Variants in LRRC4C observed in about 807,000 individuals in gnomAD.
LRRC4C encodes the protein leucine-rich repeat-containing protein 4C.
A neutral mutation model predicts 33.6 loss-of-function variants in LRRC4C; 5 were observed. The observed-to-expected ratio is 0.15, with a 90% CI of 0.08 to 0.31. The LOEUF (loss-of-function observed/expected upper bound fraction) is 0.31. Among genes scored for constraint, LRRC4C ranks in the 10% least tolerant of loss-of-function variants. The pLI, the probability that LRRC4C is intolerant of heterozygous loss-of-function variation, is 1.00. For synonymous variants in LRRC4C, 329 were observed against 302.0 expected, an observed-to-expected ratio of 1.09 and a Z score of -0.93; for missense variants, 560 against 796.7, an observed-to-expected ratio of 0.70 and a Z score of 3.58.
chr11:41,138,568 T>C (rs1352951108), intron 1 of LRRC4C, among the ~76,000 whole-genome samples: 1 of 152,210 alleles, frequency 6.6e-6, no homozygotes, highest in East Asian at 1.9e-4. Context: ...ATGAAAATGA[T>C]ATCTAAGTTT....
chr11:40,720,053 G>C (rs759013229), intron 2 of LRRC4C, among the ~76,000 whole-genome samples: 3 of 152,162 alleles, frequency 2.0e-5, no homozygotes, highest in Non-Finnish European at 4.4e-5. Context: ...TATAGTGTCA[G>C]CCTTGCTTAT....
intron 3 of LRRC4C, among the ~76,000 whole-genome samples, chr11:40,382,683 C>CAT (rs1948932041): frequency 8.8e-6 from 1 of 113,300 alleles, no homozygotes; most frequent in African/African-American, 3.8e-5. Flanking sequence ...AACTTGTACT[C>CAT]ATTTTTTTTT....
At chr11:41,414,270 C>T (rs765761461) in intron 1 of LRRC4C, among the ~76,000 whole-genome samples, 1 of 152,078 alleles carries the variant, frequency 6.6e-6, no homozygotes, top group Non-Finnish European at 1.5e-5. Flanking sequence ...AGGCAAGATT[C>T]CTCCCCACAA....
intron 1 of LRRC4C, among the ~76,000 whole-genome samples, chr11:41,143,700 G>C (rs10768667): frequency 0.19 from 29,016 of 152,084 alleles, 3,277 homozygotes; most frequent in Admixed American, 0.37. Flanking sequence ...TTCATCCTTA[G>C]TCTGAATCCC....
At chr11:41,351,733 TA>T (rs1436934534) in intron 1 of LRRC4C, among the ~76,000 whole-genome samples, 13 of 152,308 alleles carry the variant, frequency 8.5e-5, no homozygotes, top group Admixed American at 6.5e-4. Context: ...TAAAATGCAT[TA>T]AAAATAAATT....
At chr11:40,144,618 T>C (rs1045254908) in intron 5 of LRRC4C, among the ~76,000 whole-genome samples, 6 of 152,204 alleles carry the variant, frequency 3.9e-5, no homozygotes, top group Non-Finnish European at 8.8e-5. Flanking sequence ...TTTGAAAAAT[T>C]GTTTCATGTG....
intron 4 of LRRC4C, among the ~76,000 whole-genome samples, chr11:40,316,835 C>G (rs894369678): frequency 2.6e-5 from 4 of 151,736 alleles, no homozygotes; most frequent in African/African-American, 9.7e-5. Context: ...AACCAGATAG[C>G]CTTGAATTTC....
chr11:41,101,986 T>G (rs1941216301), intron 1 of LRRC4C, among the ~76,000 whole-genome samples: 2 of 151,496 alleles, frequency 1.3e-5, no homozygotes, highest in Non-Finnish European at 2.9e-5. Flanking sequence ...TACTTGAGGG[T>G]AAAGAGTAGG....
chr11:40,978,765 G>A (rs116895990), intron 1 of LRRC4C, among the ~76,000 whole-genome samples: 2 of 151,784 alleles, frequency 1.3e-5, no homozygotes, highest in East Asian at 3.9e-4. Flanking sequence ...GGGATTGCAG[G>A]TGCCCACAAC....
intron 2 of LRRC4C, among the ~76,000 whole-genome samples, chr11:40,879,796 C>T (rs1438905518): frequency 6.6e-6 from 1 of 152,058 alleles, no homozygotes; most frequent in African/African-American, 2.4e-5. Context: ...TCAGAAGATA[C>T]ATTATGTGAA....
intron 5 of LRRC4C, among the ~76,000 whole-genome samples, chr11:40,142,823 T>C (rs1261550224): frequency 6.6e-6 from 1 of 152,230 alleles, no homozygotes; most frequent in East Asian, 1.9e-4. Context: ...CCAGCAGGCT[T>C]GCAGACTTGT....
At position 40,677,660 on chromosome 11, in the gene LRRC4C, C is replaced by T. The variant is rs74669008; in HGVS notation, c.-406-29382G>A. The stretch of plus-strand genomic sequence containing the variant: ...TCTGTTTTCTTATATTTCTTAATAA[C>T]GAAACTGCCAATCTTTAGCAGTGTG... On this transcript the variant is annotated intron_variant, in intron 2 of 6. Coordinates refer to ENST00000528697, the MANE Select transcript of LRRC4C (RefSeq NM_001258419.2). 9.1e-3 allele frequency among the ~76,000 whole-genome samples: 1,391 copies of T among 152,160 alleles called. 28 individuals are homozygous for T. Among genetic ancestry groups the T allele is most frequent in the African/African-American group, 0.032 (1,341 of 41,506 alleles).
intron 3 of LRRC4C, among the ~76,000 whole-genome samples, chr11:40,420,743 G>A (rs1950495365): frequency 6.6e-6 from 1 of 152,138 alleles, no homozygotes; most frequent in Non-Finnish European, 1.5e-5. Context: ...GCCAGCTCAT[G>A]AGTGTTGGAG....
At chr11:40,277,955 G>T (rs1943230368) in intron 4 of LRRC4C, among the ~76,000 whole-genome samples, 1 of 152,060 alleles carries the variant, frequency 6.6e-6, no homozygotes, top group African/African-American at 2.4e-5. Context: ...CAAAAAAGTG[G>T]CAGTCTCCTT....
intron 1 of LRRC4C, among the ~76,000 whole-genome samples, chr11:41,385,466 A>T (rs1953324522): frequency 6.6e-6 from 1 of 151,610 alleles, no homozygotes; most frequent in Admixed American, 6.6e-5. Context: ...ATAGTAAAAA[A>T]AAACTAATTA....
chr11:41,457,171 C>T (rs1956195897), intron 1 of LRRC4C, among the ~76,000 whole-genome samples: 1 of 152,160 alleles, frequency 6.6e-6, no homozygotes, highest in South Asian at 2.1e-4. Context: ...CAACACCACA[C>T]ATCTAAATAT....
At chr11:40,244,908 C>T (rs985183074) in intron 4 of LRRC4C, among the ~76,000 whole-genome samples, 5 of 152,160 alleles carry the variant, frequency 3.3e-5, no homozygotes, top group Non-Finnish European at 7.4e-5. Flanking sequence ...TATTCCATGG[C>T]ATCTGGATTG....
intron 1 of LRRC4C, among the ~76,000 whole-genome samples, chr11:41,366,593 C>T (rs1332954436): frequency 6.6e-6 from 1 of 151,994 alleles, no homozygotes; most frequent in Non-Finnish European, 1.5e-5. Context: ...TAGTGTTTCT[C>T]CCATTTAAAT....
rs372990313 is a variant in LRRC4C at position 41,453,660 on chromosome 11, A to ATG, written c.-496+5769_-496+5770dup. On this transcript the variant is annotated intron_variant, in intron 1 of 6. Coordinates refer to ENST00000528697, the MANE Select transcript of LRRC4C (RefSeq NM_001258419.2). ...ATGTTACCTTGCTTATTTTGTGTGT[A>ATG]TGTGTGTGTGTGTGTGTATGTGTGT... 2.0e-3 allele frequency among the ~76,000 whole-genome samples: 300 copies of ATG among 150,262 alleles called. 2 individuals are homozygous for ATG. Among genetic ancestry groups the ATG allele is most frequent in the South Asian group, 0.012 (55 of 4,744 alleles).
Sources: allele counts gnomAD v4.1 joint callset (sites outside exome capture counted in the v4.1 genomes callset), GRCh38; gene constraint gnomAD v4.1.1; transcripts MANE v1.5; gene names NCBI Gene and HGNC (gene_info 2026-07-23, HGNC 2026-07-21).